The following CNTNAP5 variants were observed in gnomAD, a reference collection of about 807,000 sequenced individuals.
The protein encoded by CNTNAP5 is contactin associated protein family member 5, also known as contactin-associated protein-like 5.
Under a neutral mutation model 150.2 loss-of-function variants are expected in CNTNAP5, and 72 were observed. The observed-to-expected ratio is 0.48, with a 90% confidence interval of 0.40 to 0.58. The LOEUF (loss-of-function observed/expected upper bound fraction) is 0.58, where lower values mean the gene tolerates loss of function less well. Among genes scored for constraint, CNTNAP5 ranks in the 20% least tolerant of loss-of-function variants. CNTNAP5 has a pLI of 0.00. For synonymous variants in CNTNAP5, 672 were observed against 619.8 expected (o/e 1.08, Z -1.25); for missense variants, 1,636 against 1,626.2 (o/e 1.01, Z -0.10).
chr2:124,338,526 C>T (rs564584607), intron 3 of CNTNAP5, among the ~76,000 whole-genome samples: 10 of 151,942 alleles, frequency 6.6e-5, no homozygotes, highest in Non-Finnish European at 1.5e-4. Flanking sequence ...AGGAGCTGGC[C>T]TCAAAAAATA....
intron 21 of CNTNAP5, among the ~76,000 whole-genome samples, chr2:124,899,330 G>C (rs1433082585): frequency 1.3e-5 from 2 of 151,472 alleles, no homozygotes; most frequent in African/African-American, 2.4e-5. Context: ...ATATGGGCAA[G>C]TTCATGATTC....
chr2:124,293,175 C>A (rs900073831), intron 3 of CNTNAP5, among the ~76,000 whole-genome samples: 1 of 151,822 alleles, frequency 6.6e-6, no homozygotes, highest in African/African-American at 2.4e-5. Flanking sequence ...ACTTGAAAAT[C>A]ATCTCTCATA....
intron 1 of CNTNAP5, among the ~76,000 whole-genome samples, chr2:124,124,941 A>G (rs574366319): frequency 2.6e-4 from 40 of 152,356 alleles, no homozygotes; most frequent in Non-Finnish European, 4.7e-4. Flanking sequence ...AACAACCAGT[A>G]TGAGCCACTG....
At chr2:124,157,259 C>CCAGTG (rs1417170857) in intron 1 of CNTNAP5, among the ~76,000 whole-genome samples, 4 of 152,092 alleles carry the variant, frequency 2.6e-5, no homozygotes, top group Non-Finnish European at 5.9e-5. Flanking sequence ...TTTTTATTTT[C>CCAGTG]CAGTGCCTCG....
intron 3 of CNTNAP5, among the ~76,000 whole-genome samples, chr2:124,380,419 A>G (rs569696300): frequency 6.6e-6 from 1 of 152,196 alleles, no homozygotes; most frequent in African/African-American, 2.4e-5. Context: ...ATTGTGGAGC[A>G]TAATGCATTT....
chr2:124,332,532 C>A (rs980552542), intron 3 of CNTNAP5, among the ~76,000 whole-genome samples: 1 of 151,108 alleles, frequency 6.6e-6, no homozygotes, highest in African/African-American at 2.4e-5. Flanking sequence ...CTTAAGAAAC[C>A]AAAAACAAAT....
chr2:124,578,046 A>G (rs958310684), intron 11 of CNTNAP5, among the ~76,000 whole-genome samples: 4 of 151,256 alleles, frequency 2.6e-5, no homozygotes, highest in East Asian at 3.9e-4. Context: ...ACGGTGGCTC[A>G]TGCCTGTAAT....
At chr2:124,053,140 G>A (rs1681754559) in intron 1 of CNTNAP5, among the ~76,000 whole-genome samples, 1 of 152,072 alleles carries the variant, frequency 6.6e-6, no homozygotes, top group Non-Finnish European at 1.5e-5. Flanking sequence ...TTTGAGAACT[G>A]TCTATAACTG....
At chr2:124,342,608 G>A (rs976036245) in intron 3 of CNTNAP5, among the ~76,000 whole-genome samples, 1 of 152,050 alleles carries the variant, frequency 6.6e-6, no homozygotes, top group Admixed American at 6.6e-5. Context: ...GAATAAATTC[G>A]TATTGAACTT....
At chr2:124,565,574 CTTTTTTTTTTTTTTTTTTTTTTTTTTTT>C (rs776732335) in intron 11 of CNTNAP5, among the ~76,000 whole-genome samples, 9 of 68,438 alleles carry the variant, frequency 1.3e-4, no homozygotes, top group African/African-American at 5.5e-4. Flanking sequence ...TACCTAGATC[CTTTTTTTTTTTTTTTTTTTTTTTTTTTT>C]TTTTTTTTTT....
intron 13 of CNTNAP5, among the ~76,000 whole-genome samples, chr2:124,689,765 C>T (rs1371445549): frequency 2.0e-5 from 3 of 152,028 alleles, no homozygotes; most frequent in African/African-American, 7.2e-5. Flanking sequence ...TTATAATCTT[C>T]ATAATATTTT....
At chr2:124,747,185 T>A in intron 13 of CNTNAP5, 44 bp from the exon 14 acceptor site, 1 of 1,589,046 alleles carries the variant, frequency 6.3e-7, no homozygotes, top group South Asian at 1.1e-5. Context: ...CTGTGTTACT[T>A]CAGGCTTGCC....
chr2:124,301,586 G>T (rs1230438935), intron 3 of CNTNAP5, among the ~76,000 whole-genome samples: 1 of 152,126 alleles, frequency 6.6e-6, no homozygotes, highest in East Asian at 1.9e-4. Context: ...CTCCACAAAA[G>T]AAAGCAGGAC....
intron 13 of CNTNAP5, among the ~76,000 whole-genome samples, chr2:124,706,790 A>G (rs1679654673): frequency 3.2e-5 from 1 of 31,028 alleles, no homozygotes; most frequent in Non-Finnish European, 6.5e-5. Flanking sequence ...AAGAAGAAGA[A>G]GAAGAAGGAG....
chr2:124,857,317 G>A (rs1160801241), intron 19 of CNTNAP5, among the ~76,000 whole-genome samples: 1 of 152,134 alleles, frequency 6.6e-6, no homozygotes, highest in African/African-American at 2.4e-5. Flanking sequence ...TCAGATGCAT[G>A]CAAAAGAGAT....
chr2:124,644,637 C>A (rs189991026), intron 12 of CNTNAP5, among the ~76,000 whole-genome samples: 23 of 152,062 alleles, frequency 1.5e-4, no homozygotes, highest in African/African-American at 5.5e-4. Flanking sequence ...ATTTTGGAAT[C>A]AGATTGGATG....
chr2:124,426,010 C>T (rs773227590), intron 4 of CNTNAP5, among the ~76,000 whole-genome samples: 4 of 151,656 alleles, frequency 2.6e-5, no homozygotes, highest in Admixed American at 1.3e-4. Flanking sequence ...AAGTGCACCC[C>T]GAAAGACATC....
chr2:124,510,477 G>GTATA (rs70996072), intron 8 of CNTNAP5, among the ~76,000 whole-genome samples: 4,476 of 99,608 alleles, frequency 0.045, 188 homozygotes, highest in Non-Finnish European at 0.063. Flanking sequence ...TTATGTATGT[G>GTATA]TATATATATA....
At chr2:124,843,200 A>C (rs1450541105) in intron 19 of CNTNAP5, among the ~76,000 whole-genome samples, 1 of 152,058 alleles carries the variant, frequency 6.6e-6, no homozygotes, top group Non-Finnish European at 1.5e-5. Flanking sequence ...AATAGTTTCC[A>C]ATTCCATCCA....
Sources: allele counts gnomAD v4.1 joint callset (sites outside exome capture counted in the v4.1 genomes callset), GRCh38; gene constraint gnomAD v4.1.1; transcripts MANE v1.5; gene names NCBI Gene and HGNC (gene_info 2026-07-23, HGNC 2026-07-21).